CPLX1: variants seen among roughly 807,000 people sequenced by gnomAD.
CPLX1 encodes complexin 1.
Under a neutral mutation model 15.6 loss-of-function variants are expected in CPLX1, and 6 were observed. The observed-to-expected ratio is 0.39, with a 90% CI of 0.21 to 0.76. The LOEUF is 0.76. Among genes scored for constraint, CPLX1 ranks in the 30% least tolerant of loss-of-function variants. CPLX1 has a pLI of 0.43. For synonymous variants in CPLX1, 91 were observed against 75.2 expected (o/e 1.21, Z -1.08); for missense variants, 242 against 188.6 (o/e 1.28, Z -1.66).
intron 3 of CPLX1, chr4:787,182 C>T (rs1746023500): frequency 2.0e-6 from 2 of 985,324 alleles, no homozygotes; most frequent in Non-Finnish European, 2.4e-6. Context: ...GATGCGGCCG[C>T]GGCCCCAGCA....
chr4:801,635 C>A (rs1053600364), intron 2 of CPLX1, among the ~76,000 whole-genome samples: 4 of 152,176 alleles, frequency 2.6e-5, no homozygotes, highest in African/African-American at 9.7e-5. Flanking sequence ...ACCAGGCTAC[C>A]CCCAACAGCC....
chr4:814,887 C>A (rs1299451821), intron 2 of CPLX1, among the ~76,000 whole-genome samples: 1 of 152,212 alleles, frequency 6.6e-6, no homozygotes, highest in Non-Finnish European at 1.5e-5. Context: ...AAGAAGGATT[C>A]CATGAAAGGC....
At chr4:789,494 G>A (rs1013412998) in intron 3 of CPLX1, among the ~76,000 whole-genome samples, 17 of 152,244 alleles carry the variant, frequency 1.1e-4, no homozygotes, top group Admixed American at 9.8e-4. Context: ...CCTCCTAGCC[G>A]CTGTGGGAGC....
intron 2 of CPLX1, 68 bp downstream of exon 2, chr4:824,421 TGAG>T: frequency 7.2e-7 from 1 of 1,393,122 alleles, no homozygotes; most frequent in Non-Finnish European, 1.0e-6. Flanking sequence ...GTGGGCCAGA[TGAG>T]GAGCAGCTGC....
chr4:786,766 C>G (rs1479749567), intron 3 of CPLX1, 68 bp from the exon 4 acceptor site: 3 of 1,517,874 alleles, frequency 2.0e-6, no homozygotes, highest in Non-Finnish European at 2.6e-6. Context: ...CCTCCCTGCG[C>G]CAGGGACTGG....
intron 2 of CPLX1, among the ~76,000 whole-genome samples, chr4:813,032 C>T (rs1465091252): frequency 3.3e-5 from 5 of 151,902 alleles, no homozygotes; most frequent in Admixed American, 1.3e-4. Context: ...TTTGGGAGGC[C>T]GAGGCAGGCA....
At chr4:789,637 C>T (rs13149773) in intron 3 of CPLX1, among the ~76,000 whole-genome samples, 48,867 of 152,084 alleles carry the variant, frequency 0.32, 9,085 homozygotes, top group African/African-American at 0.51. Flanking sequence ...CGGGTCAGTG[C>T]GCGGAGCACA....
At chr4:795,774 G>A (rs1746317141) in intron 2 of CPLX1, among the ~76,000 whole-genome samples, 1 of 150,826 alleles carries the variant, frequency 6.6e-6, no homozygotes, top group Non-Finnish European at 1.5e-5. Flanking sequence ...TTCCCACCCG[G>A]GAGCTCGCCC....
intron 3 of CPLX1, chr4:786,915 CAT>C (rs1461071195): frequency 1.2e-5 from 12 of 980,906 alleles, no homozygotes; most frequent in Non-Finnish European, 1.5e-5. Context: ...CAGGAGCTGA[CAT>C]GGGGGGGAGC....
chr4:803,763 G>C (rs1746504608), intron 2 of CPLX1, among the ~76,000 whole-genome samples: 1 of 151,672 alleles, frequency 6.6e-6, no homozygotes, highest in Non-Finnish European at 1.5e-5. Flanking sequence ...CTCCACTCCT[G>C]GGTTCAAGCC....
In CPLX1 at chr4:816,187, G is replaced by A. The variant is rs113839357; in HGVS notation, c.31+8305C>T. Among the ~76,000 whole-genome samples the A allele has an allele frequency of 2.9e-4, 44 of 150,490 alleles. 1 individual carries two copies. Among genetic ancestry groups the A allele is most frequent in the African/African-American group, 9.6e-4 (39 of 40,832 alleles). ...TTTGCAGTGTCTCTTAAATTTACAA[G>A]TGGATCTGAAGGCATTCTCCGTGAA... is the stretch of plus-strand genomic sequence containing the variant. On this transcript the variant is annotated intron_variant, in intron 2 of 3. Transcript: ENST00000304062.
intron 2 of CPLX1, among the ~76,000 whole-genome samples, chr4:809,716 A>G (rs1042820087): frequency 2.6e-5 from 4 of 152,226 alleles, no homozygotes; most frequent in Non-Finnish European, 4.4e-5. Flanking sequence ...AAGACAGTGG[A>G]CACGTCCAGC....
chr4:810,706 T>C (rs1746652500), intron 2 of CPLX1, among the ~76,000 whole-genome samples: 1 of 152,044 alleles, frequency 6.6e-6, no homozygotes. Flanking sequence ...TTTTCTTTTT[T>C]TTTTTTCGAG....
intron 2 of CPLX1, among the ~76,000 whole-genome samples, chr4:821,178 T>G (rs956947284): frequency 1.3e-5 from 2 of 152,212 alleles, no homozygotes; most frequent in African/African-American, 4.8e-5. Flanking sequence ...AGGTTGGGCC[T>G]GGCTGGGTGA....
intron 2 of CPLX1, among the ~76,000 whole-genome samples, chr4:818,847 C>A (rs1173233866): frequency 2.6e-5 from 4 of 152,222 alleles, no homozygotes; most frequent in African/African-American, 7.2e-5. Flanking sequence ...GCAGTGCCCG[C>A]GGCCAAGGAC....
chr4:790,184 G>T (rs1043076972), intron 3 of CPLX1, among the ~76,000 whole-genome samples: 5 of 152,230 alleles, frequency 3.3e-5, no homozygotes, highest in Non-Finnish European at 7.3e-5. Flanking sequence ...ATCCACTTTG[G>T]CAGGGCCTCC....
At chr4:795,946 G>A (rs1011725824) in intron 2 of CPLX1, among the ~76,000 whole-genome samples, 2 of 152,082 alleles carry the variant, frequency 1.3e-5, no homozygotes, top group South Asian at 2.1e-4. Context: ...GGTCAGGGCC[G>A]CGCGTTTCCA....
chr4:807,510 T>C (rs945037736), intron 2 of CPLX1, among the ~76,000 whole-genome samples: 1 of 152,230 alleles, frequency 6.6e-6, no homozygotes, highest in East Asian at 1.9e-4. Flanking sequence ...TTTCATTCTT[T>C]GTTGCCCTGG....
chr4:816,071 T>G (rs952778156), intron 2 of CPLX1, among the ~76,000 whole-genome samples: 2 of 152,206 alleles, frequency 1.3e-5, no homozygotes, highest in African/African-American at 4.8e-5. Context: ...TTAAGTTATA[T>G]TCACCTTGGA....
Sources: allele counts gnomAD v4.1 joint callset (sites outside exome capture counted in the v4.1 genomes callset), GRCh38; gene constraint gnomAD v4.1.1; transcripts MANE v1.5; gene names NCBI Gene and HGNC (gene_info 2026-07-23, HGNC 2026-07-21).